The following MAPRE2 variants were observed in gnomAD, a reference collection of about 807,000 sequenced individuals.
MAPRE2 encodes microtubule associated protein RP/EB family member 2.
In MAPRE2, 13 loss-of-function variants were observed where a neutral mutation model predicts 43.2. That is an observed-to-expected ratio of 0.30 (90% CI 0.20 to 0.48). The LOEUF is 0.48. Among genes scored for constraint, MAPRE2 ranks in the 20% least tolerant of loss-of-function variants. MAPRE2 has a pLI of 0.99. For synonymous variants in MAPRE2, 135 were observed against 148.8 expected, an observed-to-expected ratio of 0.91 and a Z score of 0.68; for missense variants, 161 against 400.2, an observed-to-expected ratio of 0.40 and a Z score of 5.10.
At chr18:35,007,880 A>G (rs140411873) in intron 2 of MAPRE2, among the ~76,000 whole-genome samples, 105 of 152,292 alleles carry the variant, frequency 6.9e-4, no homozygotes, top group African/African-American at 2.4e-3. Flanking sequence ...CAGATCCGCA[A>G]CCAAAAGTAA....
rs1568961622 is a variant in MAPRE2, at chr18:34,985,326, A to ATT, written c.-70+8247_-70+8248insTT. Among the ~76,000 whole-genome samples, 33 of 37,396 alleles carry ATT rather than the reference A, an allele frequency of 8.8e-4. 1 individual carries two copies. The highest frequency in any genetic ancestry group is 2.6e-3 in the African/African-American group (25 of 9,474). The allele number at this position is 37,396 out of a possible 152,430, so 24.5% of individuals were successfully genotyped here. ...ATTGTATATATTATATTATATATAT[A>ATT]ATATAATATATAATATATTATATTA... On this transcript the variant is annotated intron_variant, in intron 1 of 7. Transcript: ENST00000413393.
At position 34,985,272 on chromosome 18, in the gene MAPRE2, A is replaced by T. The variant is rs1370161443; in HGVS notation, c.-70+8193A>T. Among the ~76,000 whole-genome samples the T allele has an allele frequency of 5.7e-3, 158 of 27,872 alleles. 14 individuals carry two copies. The highest frequency in any genetic ancestry group is 8.6e-3 in the Non-Finnish European group (136 of 15,826). The allele number at this position is 27,872 out of a possible 152,430, so 18.3% of individuals were successfully genotyped here. A position where few individuals can be genotyped will look rare whatever the true frequency, so the allele number is the denominator to read the frequency against. On this transcript the variant is annotated intron_variant, in intron 1 of 7. Coordinates refer to the MAPRE2 transcript ENST00000413393. ...AAATATATAATATAATATATTATAT[A>T]ATATAATATATTATATATTATATTA...
intron 2 of MAPRE2, among the ~76,000 whole-genome samples, chr18:35,078,005 C>G (rs1431347831): frequency 6.6e-6 from 1 of 151,866 alleles, no homozygotes; most frequent in African/African-American, 2.4e-5. Context: ...GATACTTTTT[C>G]TTTTTCTTTT....
chr18:35,125,646 T>C (rs914589666), intron 4 of MAPRE2, among the ~76,000 whole-genome samples: 3 of 152,206 alleles, frequency 2.0e-5, no homozygotes, highest in African/African-American at 7.2e-5. Flanking sequence ...GAAAAGGGAA[T>C]GGACGGGCCC....
chr18:35,133,819 T>G (rs920709858), intron 6 of MAPRE2, among the ~76,000 whole-genome samples: 3 of 152,160 alleles, frequency 2.0e-5, no homozygotes, highest in African/African-American at 7.2e-5. Flanking sequence ...CAAGAGCCCT[T>G]GCCTCCTGGG....
At chr18:35,077,048 A>C (rs995896100) in intron 2 of MAPRE2, among the ~76,000 whole-genome samples, 1 of 152,220 alleles carries the variant, frequency 6.6e-6, no homozygotes, top group African/African-American at 2.4e-5. Flanking sequence ...GATCACCTGG[A>C]ATGCCATTGT....
chr18:35,086,083 A>G (rs1907863204), intron 2 of MAPRE2, among the ~76,000 whole-genome samples: 2 of 152,164 alleles, frequency 1.3e-5, no homozygotes, highest in South Asian at 4.1e-4. Flanking sequence ...AGTTGTAACT[A>G]AATCCCTCAG....
chr18:35,016,369 T>C (rs2097038268), intron 2 of MAPRE2, among the ~76,000 whole-genome samples: 1 of 152,034 alleles, frequency 6.6e-6, no homozygotes, highest in African/African-American at 2.4e-5. Context: ...TTTAAGTTCT[T>C]TGAGAAATCT....
chr18:35,058,179 A>G (rs1362742197), intron 1 of MAPRE2, among the ~76,000 whole-genome samples: 2 of 152,210 alleles, frequency 1.3e-5, no homozygotes, highest in East Asian at 3.8e-4. Context: ...AAGCACAAAT[A>G]TGGCTGGGGG....
At chr18:34,977,395 G>T (rs769154155) in intron 1 of MAPRE2, among the ~76,000 whole-genome samples, 37 of 152,342 alleles carry the variant, frequency 2.4e-4, no homozygotes, top group Non-Finnish European at 4.7e-4. Context: ...AAGCGAAGTG[G>T]ACTGGTTCTG....
chr18:35,008,542 T>C (rs184229457), intron 2 of MAPRE2, among the ~76,000 whole-genome samples: 5 of 152,332 alleles, frequency 3.3e-5, no homozygotes, highest in African/African-American at 1.2e-4. Context: ...ACAGCATCTT[T>C]TACTTTCATG....
chr18:35,050,223 A>G (rs896216198), intron 1 of MAPRE2, among the ~76,000 whole-genome samples: 1 of 152,100 alleles, frequency 6.6e-6, no homozygotes, highest in Non-Finnish European at 1.5e-5. Flanking sequence ...CTTTAATAGC[A>G]TAGGTTTTTA....
chr18:35,089,353 C>G (rs951498850), intron 2 of MAPRE2, among the ~76,000 whole-genome samples: 7 of 151,868 alleles, frequency 4.6e-5, no homozygotes, highest in African/African-American at 1.7e-4. Context: ...ATGATACCAT[C>G]AAGAAAGTGA....
intron 6 of MAPRE2, among the ~76,000 whole-genome samples, chr18:35,138,676 C>T (rs1910495878): frequency 6.6e-6 from 1 of 152,070 alleles, no homozygotes; most frequent in Non-Finnish European, 1.5e-5. Flanking sequence ...TCGAGGAGTC[C>T]TTTGATTCAT....
intron 2 of MAPRE2, among the ~76,000 whole-genome samples, chr18:35,021,285 C>T (rs768233961): frequency 3.9e-5 from 6 of 152,180 alleles, no homozygotes; most frequent in Non-Finnish European, 8.8e-5. Context: ...AGATGACAGT[C>T]TAAATACAGT....
chr18:34,984,838 TTA>T lies in MAPRE2; in HGVS notation c.-70+7763_-70+7764del, dbSNP rs1306281207. ...ACTAAAAATATAAATATATAATATT[TTA>T]TATGTTATATAACATATAAAATATA... On this transcript the variant is annotated intron_variant, in intron 1 of 7. Transcript: ENST00000413393. Among the ~76,000 whole-genome samples, 558 of 125,134 alleles carry T rather than the reference TTA, an allele frequency of 4.5e-3. 50 individuals are homozygous for T. The highest frequency in any genetic ancestry group is 7.4e-3 in the Non-Finnish European group (463 of 62,914). 82.1% of individuals were successfully genotyped at this position (125,134 alleles called of 152,430 possible). A position where few individuals can be genotyped will look rare whatever the true frequency, so the allele number is the denominator to read the frequency against.
chr18:35,037,214 T>C (rs2097051021), upstream of MAPRE2, among the ~76,000 whole-genome samples: 1 of 152,162 alleles, frequency 6.6e-6, no homozygotes, highest in Non-Finnish European at 1.5e-5. Flanking sequence ...GTTTTAAGTT[T>C]CAAATGGATG....
intron 1 of MAPRE2, among the ~76,000 whole-genome samples, chr18:35,001,636 C>G (rs1217311350): frequency 6.6e-6 from 1 of 151,766 alleles, no homozygotes; most frequent in Non-Finnish European, 1.5e-5. Context: ...AAGGGAATAA[C>G]AGCAAAGAAA....
chr18:35,047,114 A>C (rs564740991), intron 1 of MAPRE2, among the ~76,000 whole-genome samples: 10 of 151,808 alleles, frequency 6.6e-5, no homozygotes, highest in Non-Finnish European at 1.5e-4. Context: ...TTGGTGGCAG[A>C]CTCCAGAGTG....
Sources: gnomAD v4.1 joint callset for allele counts (sites outside exome capture counted in the v4.1 genomes callset) on GRCh38, gnomAD v4.1.1 for gene constraint, MANE v1.5 for transcripts, NCBI Gene and HGNC (gene_info 2026-07-23, HGNC 2026-07-21) for gene names.